Variants in RBBP4 observed in about 807,000 individuals in gnomAD.
RBBP4 encodes RB binding protein 4, chromatin remodeling factor.
Under a neutral mutation model 57.2 loss-of-function variants are expected in RBBP4, and 3 were observed. The observed-to-expected ratio is 0.05, with a 90% CI of 0.02 to 0.14. The LOEUF is 0.14. Among genes scored for constraint, RBBP4 ranks in the 10% least tolerant of loss-of-function variants. The pLI, the probability that RBBP4 is intolerant of heterozygous loss-of-function variation, is 1.00. For synonymous variants in RBBP4, 151 were observed against 171.5 expected (o/e 0.88, Z 0.93); for missense variants, 107 against 520.6 (o/e 0.21, Z 7.73).
At position 32,682,593 on chromosome 1, in the gene RBBP4, A is replaced by G. The variant is rs1282770613; in HGVS notation, c.*2888A>G. 6.6e-6 allele frequency: 1 copy of G among 151,938 alleles called. No individual in the cohort carries two copies. The allele number at this position is 151,938 out of a possible 1,614,324, so 9.4% of individuals were successfully genotyped here. ...CAAGACCAGCCTGGCCAAGATGGTG[A>G]AACCCCGTTTCTACTAAAAATACAA... On this transcript the variant is annotated 3_prime_UTR_variant, in exon 12 of 12. Coordinates refer to ENST00000373493, the MANE Select transcript of RBBP4 (RefSeq NM_005610.3).
chr1:32,654,794 A>AT (rs1648060955), intron 2 of RBBP4, among the ~76,000 whole-genome samples: 1 of 152,080 alleles, frequency 6.6e-6, no homozygotes, highest in Non-Finnish European at 1.5e-5. Context: ...CCTGGGTTCA[A>AT]TCGATTCTCC....
chr1:32,670,566 TA>T (rs1276777399), intron 8 of RBBP4, among the ~76,000 whole-genome samples: 1 of 42,066 alleles, frequency 2.4e-5, no homozygotes, highest in African/African-American at 3.5e-5. Flanking sequence ...CCAATTTTTT[TA>T]TTTTTTTTTA....
intron 1 of RBBP4, 149 bp downstream of exon 1, chr1:32,651,471 G>T: frequency 7.3e-7 from 1 of 1,365,646 alleles, no homozygotes. Flanking sequence ...CGCGGGGCGT[G>T]CTAACGGCTC....
intron 2 of RBBP4, 130 bp from the exon 3 acceptor site, chr1:32,657,297 G>A (rs749513232): frequency 3.8e-5 from 32 of 836,690 alleles, no homozygotes; most frequent in Non-Finnish European, 5.5e-5. Flanking sequence ...AGAAAGAAAA[G>A]ACCCTTAATG....
Position 32,661,355 on chromosome 1 carries a change from C to T in RBBP4, c.310+3783C>T, listed in dbSNP as rs140510379. Among the ~76,000 whole-genome samples the T allele has an allele frequency of 8.3e-3, 1,101 of 131,882 alleles. 16 individuals carry two copies. The highest frequency in any genetic ancestry group is 0.029 in the African/African-American group (1,047 of 35,580). 86.5% of individuals were successfully genotyped at this position (131,882 alleles called of 152,430 possible). A position where few individuals can be genotyped will look rare whatever the true frequency, so the allele number is the denominator to read the frequency against. On this transcript the variant is annotated intron_variant, in intron 3 of 11. Coordinates refer to ENST00000373493, the MANE Select transcript of RBBP4 (RefSeq NM_005610.3). ...CACTGTTGTTGCTGGAGTAAAGTGG[C>T]GCTATCTCAACTCACTGCACTCTCC... is the stretch of plus-strand genomic sequence containing the variant.
chr1:32,678,411 G>C (rs1030951734), intron 11 of RBBP4, among the ~76,000 whole-genome samples: 1 of 151,898 alleles, frequency 6.6e-6, no homozygotes, highest in African/African-American at 2.4e-5. Flanking sequence ...ATTTTTAGTA[G>C]AGACAGCGTT....
chr1:32,651,791 T>C, intron 1 of RBBP4, 123 bp from the exon 2 acceptor site: 3 of 1,175,094 alleles, frequency 2.6e-6, no homozygotes, highest in South Asian at 3.0e-5. Context: ...GCCTCTGCCG[T>C]GGGGATTTAG....
rs753152928 is a variant in RBBP4 at position 32,669,368 on chromosome 1, T to C, written c.888+11T>C. 1 of 1,589,862 alleles carries C rather than the reference T, an allele frequency of 6.3e-7. No homozygotes were observed. The highest frequency in any genetic ancestry group is 2.2e-5 in the East Asian group (1 of 44,790). On this transcript the variant is annotated intron_variant, in intron 7 of 11. Coordinates refer to ENST00000373493, the MANE Select transcript of RBBP4 (RefSeq NM_005610.3). The surrounding 1 kb of genome is among the most constrained non-coding windows in gnomAD (Gnocchi z 4.9). ...GGATCAGCTGACAAGGTCAGTTTCG[T>C]TTATTTTAATAGAAAACATAATTTC...
chr1:32,662,061 G>A (rs769750749), intron 3 of RBBP4, among the ~76,000 whole-genome samples: 12 of 149,532 alleles, frequency 8.0e-5, no homozygotes, highest in Non-Finnish European at 1.8e-4. Context: ...AATTTTTGTG[G>A]TTGTAGTAGA....
rs1218217586 is a variant in RBBP4 at position 32,668,869 on chromosome 1, C to T, written c.600+15C>T. Reference sequence around the variant, plus strand: ...CAGATGACCATGTGTGTATCCTTCCCATTTTGAAGCAAATCTGGGCTAGTT... The same window carrying T: ...CAGATGACCATGTGTGTATCCTTCCTATTTTGAAGCAAATCTGGGCTAGTT... On this transcript the variant is annotated intron_variant, in intron 5 of 11. Transcript: ENST00000373493. 2 of 1,613,218 alleles carry T rather than the reference C, an allele frequency of 1.2e-6. No individual in the cohort carries two copies. The highest frequency in any genetic ancestry group is 2.2e-5 in the South Asian group (2 of 91,060).
In RBBP4 at chr1:32,684,537, G is replaced by A; in HGVS notation, c.*4832G>A. On this transcript the variant is annotated 3_prime_UTR_variant, in exon 12 of 12. Transcript: ENST00000373493. Reference sequence around the variant, plus strand: ...TGATAGGTTATGAAACAGGTTCAAAGAAGTTGTGTCTTGGAAAAAAAGTGA... The same window carrying A: ...TGATAGGTTATGAAACAGGTTCAAAAAAGTTGTGTCTTGGAAAAAAAGTGA... 8.8e-7 allele frequency: 1 copy of A among 1,140,662 alleles called. No homozygotes were observed. The allele number at this position is 1,140,662 out of a possible 1,614,324, so 70.7% of individuals were successfully genotyped here.
chr1:32,679,835 A>G lies in RBBP4; in HGVS notation c.*130A>G, dbSNP rs1364837518. On this transcript the variant is annotated 3_prime_UTR_variant, in exon 12 of 12. Coordinates refer to ENST00000373493, the MANE Select transcript of RBBP4 (RefSeq NM_005610.3). ...TATAATAGGTACCACCGATAATGCT[A>G]TTAGCCCAAACCGTGGGTGTTTTCT... 2.1e-6 allele frequency: 3 copies of G among 1,423,236 alleles called. No homozygotes were observed. Among genetic ancestry groups the G allele is most frequent in the Non-Finnish European group, 1.8e-6 (2 of 1,094,214 alleles). 88.2% of individuals were successfully genotyped at this position (1,423,236 alleles called of 1,614,324 possible).
In RBBP4 at chr1:32,679,733, A is replaced by G; in HGVS notation, c.*28A>G. On this transcript the variant is annotated 3_prime_UTR_variant, in exon 12 of 12. Transcript: ENST00000373493. Reference sequence around the variant, plus strand: ...ATGTCTTTACTTGTTGTGATTTTAGACTCCCCTTTTTTCTTCTCAACCCTG... The same window carrying G: ...ATGTCTTTACTTGTTGTGATTTTAGGCTCCCCTTTTTTCTTCTCAACCCTG... The G allele has an allele frequency of 6.2e-7, 1 of 1,610,568 alleles. No homozygotes were observed. Among genetic ancestry groups the G allele is most frequent in the Non-Finnish European group, 8.5e-7 (1 of 1,178,570 alleles).
In RBBP4 at chr1:32,679,246, G is replaced by A. The variant is rs537196545; in HGVS notation, c.1213-394G>A. 1.6e-4 allele frequency among the ~76,000 whole-genome samples: 24 copies of A among 152,254 alleles called. No individual in the cohort carries two copies. In the South Asian group the frequency reaches 4.6e-3, roughly 29 times the overall value. ...TGGGAGGCATAGGTTGCAGTGAGCCGAGATGGTGCCACTGCACTCCAGCCT... is the reference window on the plus strand; with the variant it reads ...TGGGAGGCATAGGTTGCAGTGAGCCAAGATGGTGCCACTGCACTCCAGCCT... On this transcript the variant is annotated intron_variant, in intron 11 of 11. Coordinates refer to ENST00000373493, the MANE Select transcript of RBBP4 (RefSeq NM_005610.3).
At chr1:32,679,039 A>G (rs1461698037) in intron 11 of RBBP4, among the ~76,000 whole-genome samples, 1 of 152,156 alleles carries the variant, frequency 6.6e-6, no homozygotes, top group East Asian at 1.9e-4. Context: ...GCTTACTCCT[A>G]TAATCCTAGC....
Position 32,681,831 on chromosome 1 carries a change from C to T in RBBP4, c.*2126C>T. Reference sequence around the variant, plus strand: ...GAAGTTTTTTGCTGTTTCCGGGTTACAGATTTGGCCATATATTTCTAAACA... The same window carrying T: ...GAAGTTTTTTGCTGTTTCCGGGTTATAGATTTGGCCATATATTTCTAAACA... On this transcript the variant is annotated 3_prime_UTR_variant, in exon 12 of 12. Coordinates refer to ENST00000373493, the MANE Select transcript of RBBP4 (RefSeq NM_005610.3). 1.2e-6 allele frequency: 2 copies of T among 1,614,128 alleles called. No homozygotes were observed. The highest frequency in any genetic ancestry group is 1.7e-6 in the Non-Finnish European group (2 of 1,180,014).
chr1:32,672,372 ATTG>A, intron 8 of RBBP4, 75 bp from the exon 9 acceptor site: 1 of 1,153,682 alleles, frequency 8.7e-7, no homozygotes. Context: ...AAATTTTTAA[ATTG>A]TTAAATATTT....
intron 11 of RBBP4, among the ~76,000 whole-genome samples, chr1:32,679,146 A>T (rs1570878637): frequency 1.3e-5 from 2 of 152,238 alleles, no homozygotes; most frequent in South Asian, 4.2e-4. Context: ...AAAATACAAA[A>T]ATTAGCCAGG....
At chr1:32,652,100 C>T (rs760911153) in intron 2 of RBBP4, 39 bp downstream of exon 2, 7 of 1,581,834 alleles carry the variant, frequency 4.4e-6, no homozygotes, top group Non-Finnish European at 6.0e-6. Context: ...GATGTATTTT[C>T]AGTGTAGATT....
Sources: gnomAD v4.1 joint callset for allele counts (sites outside exome capture counted in the v4.1 genomes callset) on GRCh38, gnomAD v4.1.1 for gene constraint, Gnocchi (gnomAD v3.1) non-coding constraint, MANE v1.5 for transcripts, NCBI Gene and HGNC (gene_info 2026-07-23, HGNC 2026-07-21) for gene names.